Variants in PCNX2 observed in about 807,000 individuals in gnomAD.
PCNX2 encodes the protein pecanex 2, also known as pecanex-like protein 2.
PCNX2 carries 168 observed loss-of-function variants against 223.8 expected under a neutral mutation model. That is an observed-to-expected ratio of 0.75 (90% CI 0.66 to 0.85). The LOEUF (loss-of-function observed/expected upper bound fraction) is 0.85. Ranked by LOEUF, PCNX2 falls within the 40% of genes least tolerant of loss-of-function variation. The pLI is 0.00. For synonymous variants in PCNX2, 1,006 were observed against 1,052.6 expected (o/e 0.96, Z 0.86); for missense variants, 2,507 against 2,675.5 (o/e 0.94, Z 1.39).
rs759793152 is a variant in PCNX2, at chr1:233,263,142, TG to T, written c.174del (p.Ile59LeufsTer9). 1.7e-5 allele frequency: 27 copies of T among 1,609,710 alleles called. No individual in the cohort carries two copies. The highest frequency in any genetic ancestry group is 8.5e-6 in the Non-Finnish European group (10 of 1,177,654). On this transcript the variant is annotated frameshift_variant, in exon 2 of 34. Transcript: ENST00000258229. LOFTEE classifies it high-confidence loss of function. ...ALHLAFPPNAIIVFFYCSAVT... is the reference protein window; with the variant it reads ...ALHLAFPPNAXIVFFYCSAVT... ...ACTGCACTGCAGTAGAAAAATACAA[TG>T]ATCGCATTTGGAGGAAAAGCCTGAA...
At chr1:233,317,828 C>G in the PCNX2 span, among the ~76,000 whole-genome samples, 2 of 152,202 alleles carry the variant, frequency 1.3e-5, no homozygotes, top group Non-Finnish European at 2.9e-5. Flanking sequence ...AACAACACCA[C>G]AGGGCAGATA....
At chr1:233,271,302 C>T (rs116645858) in intron 1 of PCNX2, among the ~76,000 whole-genome samples, 1,551 of 152,224 alleles carry the variant, frequency 0.01, 14 homozygotes, top group South Asian at 0.028. Flanking sequence ...ATAACCCATA[C>T]ATGATCAACA....
At chr1:233,182,617 C>T (rs965268884) in intron 15 of PCNX2, among the ~76,000 whole-genome samples, 1 of 152,182 alleles carries the variant, frequency 6.6e-6, no homozygotes, top group African/African-American at 2.4e-5. Flanking sequence ...TTTCAGCATC[C>T]TTCCTCACAT....
chr1:233,293,679 C>A (rs1226402707), intron 1 of PCNX2, among the ~76,000 whole-genome samples: 1 of 152,198 alleles, frequency 6.6e-6, no homozygotes, highest in Non-Finnish European at 1.5e-5. Flanking sequence ...AAAGGGCTAT[C>A]TCTTACTGAG....
intron 13 of PCNX2, among the ~76,000 whole-genome samples, chr1:233,200,951 G>T (rs1038793564): frequency 6.7e-6 from 1 of 149,282 alleles, no homozygotes; most frequent in East Asian, 2.0e-4. Flanking sequence ...GCGTGAACCC[G>T]GGAGGCGGAG....
intron 1 of PCNX2, chr1:233,291,776 C>T (rs1661781080): frequency 1.0e-6 from 1 of 982,806 alleles, no homozygotes; most frequent in Non-Finnish European, 1.2e-6. Context: ...AAAGACAAAA[C>T]ACATGTAATA....
intron 21 of PCNX2, among the ~76,000 whole-genome samples, chr1:233,117,780 G>A (rs1434563511): frequency 6.6e-6 from 1 of 151,830 alleles, no homozygotes; most frequent in African/African-American, 2.4e-5. Context: ...GGAGGCCGAG[G>A]CGGGCGGATC....
intron 1 of PCNX2, chr1:233,291,213 C>G (rs1159144931): frequency 2.1e-6 from 1 of 482,518 alleles, no homozygotes; most frequent in Non-Finnish European, 2.7e-6. Flanking sequence ...CCCTGGACCT[C>G]AGTTGCTAAA....
At chr1:233,079,729 A>G (rs1004154027) in intron 23 of PCNX2, among the ~76,000 whole-genome samples, 4 of 152,114 alleles carry the variant, frequency 2.6e-5, no homozygotes, top group African/African-American at 9.7e-5. Flanking sequence ...GGGGAGTGTC[A>G]TCATTCTCTG....
intron 10 of PCNX2, among the ~76,000 whole-genome samples, chr1:233,223,813 G>A (rs1657537296): frequency 6.6e-6 from 1 of 152,166 alleles, no homozygotes; most frequent in Non-Finnish European, 1.5e-5. Flanking sequence ...GGTAACTGAT[G>A]ACAATTAGTT....
chr1:233,025,597 C>T, intron 25 of PCNX2, 198 bp from the exon 26 acceptor site: 1 of 649,780 alleles, frequency 1.5e-6, no homozygotes. Flanking sequence ...CACTCACATT[C>T]AGTCTGAGTC....
intron 21 of PCNX2, among the ~76,000 whole-genome samples, chr1:233,120,179 A>AAT (rs1558251201): frequency 6.8e-6 from 1 of 146,876 alleles, no homozygotes; most frequent in Non-Finnish European, 1.5e-5. Flanking sequence ...AAAAAAAAAA[A>AAT]AAAAAGAAAT....
intron 21 of PCNX2, among the ~76,000 whole-genome samples, chr1:233,120,164 C>CAAAAAAAAAAAAA (rs1228898502): frequency 2.3e-4 from 10 of 42,650 alleles, no homozygotes; most frequent in East Asian, 1.5e-3. Context: ...GACTCCATTT[C>CAAAAAAAAAAAAA]AAAAAAAAAA....
chr1:233,177,560 C>A (rs1035021692), intron 17 of PCNX2, among the ~76,000 whole-genome samples: 3 of 152,190 alleles, frequency 2.0e-5, no homozygotes, highest in African/African-American at 2.4e-5. Flanking sequence ...ATAAAAATGG[C>A]CTTGCTGAGT....
chr1:233,109,956 G>A (rs185008884), intron 21 of PCNX2, among the ~76,000 whole-genome samples: 10 of 152,240 alleles, frequency 6.6e-5, no homozygotes, highest in Non-Finnish European at 1.2e-4. Context: ...GGCTGTGGTG[G>A]CACATGCCTG....
At chr1:233,187,814 A>G (rs990129255) in intron 15 of PCNX2, among the ~76,000 whole-genome samples, 1 of 152,100 alleles carries the variant, frequency 6.6e-6, no homozygotes, top group Non-Finnish European at 1.5e-5. Flanking sequence ...CTTCCTTGCA[A>G]TTTGTTCAGA....
intron 17 of PCNX2, among the ~76,000 whole-genome samples, chr1:233,165,708 A>G (rs981869199): frequency 3.9e-5 from 6 of 152,214 alleles, no homozygotes; most frequent in African/African-American, 1.4e-4. Flanking sequence ...GAGAAACTAA[A>G]CAGATAAACT....
In PCNX2 at chr1:233,139,713, C is replaced by T; in HGVS notation, c.3659+1G>A. 6.3e-7 allele frequency: 1 copy of T among 1,596,084 alleles called. No homozygotes were observed. The highest frequency in any genetic ancestry group is 8.5e-7 in the Non-Finnish European group (1 of 1,170,658). ...ATGAAGATAAACCATTAACCACTTA[C>T]TGGGTACCAAGTCTCCGGTGATTGC... On this transcript the variant is annotated splice_donor_variant, in intron 20 of 33. Coordinates refer to ENST00000258229, the MANE Select transcript of PCNX2 (RefSeq NM_014801.4). LOFTEE classifies it high-confidence loss of function. This position sits in a 1 kb window ranked among gnomAD's most constrained non-coding sequence, Gnocchi z 4.4.
rs573061210 is a variant in PCNX2, at chr1:233,210,826, T to C, written c.2692-2137A>G. 2.0e-5 allele frequency among the ~76,000 whole-genome samples: 3 copies of C among 152,338 alleles called. No individual in the cohort carries two copies. In the South Asian group the frequency reaches 6.2e-4, roughly 32 times the overall value. On this transcript the variant is annotated intron_variant, in intron 12 of 33. Transcript: ENST00000258229. ...TACACTGTAGGGAGCACCAGTGGAA[T>C]TCAGCTGGGGAGCATCTTGCAAGGC...
Sources: allele counts gnomAD v4.1 joint callset (sites outside exome capture counted in the v4.1 genomes callset), GRCh38; gene constraint gnomAD v4.1.1; non-coding constraint Gnocchi (gnomAD v3.1); transcripts MANE v1.5; gene names NCBI Gene and HGNC (gene_info 2026-07-23, HGNC 2026-07-21).